The following SH3RF3 variants were observed in gnomAD, a reference collection of about 807,000 sequenced individuals.
SH3RF3 encodes the protein SH3 domain containing ring finger 3.
Under a neutral mutation model 66.3 loss-of-function variants are expected in SH3RF3, and 29 were observed. The ratio of observed to expected loss-of-function variants is 0.44; its 90% confidence interval spans 0.33 to 0.60. The LOEUF (loss-of-function observed/expected upper bound fraction) is 0.60. Ranked by LOEUF, SH3RF3 falls within the 20% of genes least tolerant of loss-of-function variation. The pLI is 0.04. For missense variants in SH3RF3, 1,194 were observed against 1,190.9 expected, an observed-to-expected ratio of 1.00 and a Z score of -0.04; for synonymous variants, 583 against 532.0, an observed-to-expected ratio of 1.10 and a Z score of -1.32.
At chr2:109,412,092 G>T (rs1317762021) in intron 4 of SH3RF3, among the ~76,000 whole-genome samples, 1 of 152,232 alleles carries the variant, frequency 6.6e-6, no homozygotes, top group African/African-American at 2.4e-5. Context: ...GTTGCTTTAC[G>T]TTGGACTCAC....
intron 8 of SH3RF3, among the ~76,000 whole-genome samples, chr2:109,466,707 C>A (rs1678355557): frequency 6.6e-6 from 1 of 152,146 alleles, no homozygotes. Flanking sequence ...CATAGTTTTG[C>A]ATTTTACATT....
At chr2:109,183,931 A>G (rs1240038886) in intron 1 of SH3RF3, among the ~76,000 whole-genome samples, 1 of 152,166 alleles carries the variant, frequency 6.6e-6, no homozygotes, top group African/African-American at 2.4e-5. Context: ...CACACCTACC[A>G]GTTGCAGGTG....
At chr2:109,141,881 T>C (rs1035651963) in intron 1 of SH3RF3, among the ~76,000 whole-genome samples, 2 of 152,114 alleles carry the variant, frequency 1.3e-5, no homozygotes, top group Non-Finnish European at 2.9e-5. Context: ...GCCAGTCTGC[T>C]GTCGGCTGCC....
intron 4 of SH3RF3, among the ~76,000 whole-genome samples, chr2:109,404,706 C>T (rs1005854293): frequency 2.0e-5 from 3 of 152,094 alleles, no homozygotes; most frequent in African/African-American, 7.2e-5. Flanking sequence ...GCGGAAGGCC[C>T]ATTCTCATTC....
In SH3RF3 at chr2:109,437,106, C is replaced by T. The variant is rs556525883; in HGVS notation, c.1788C>T (p.Ala596=). The change falls in exon 7 of 10, where the codon GCC becomes GCT. Residue 596 remains alanine (A), a synonymous_variant. Coordinates refer to ENST00000309415, the MANE Select transcript of SH3RF3 (RefSeq NM_001099289.3). ...CAGGCAGCTGTCTACGGCACTCAGC[C>T]CAGCCAACGGCCAGCCAAGCCCGGA... The part of the protein sequence containing the change: ...PPTGSCLRHS[A]QPTASQARST... The T allele has an allele frequency of 5.0e-6, 8 of 1,613,104 alleles. No homozygotes were observed. The highest frequency in any genetic ancestry group is 1.3e-5 in the African/African-American group (1 of 75,048).
chr2:109,306,786 G>A (rs1681607646), intron 1 of SH3RF3, among the ~76,000 whole-genome samples: 1 of 152,194 alleles, frequency 6.6e-6, no homozygotes, highest in South Asian at 2.1e-4. Context: ...AAACTACAGG[G>A]ACCTTTGATA....
chr2:109,271,680 A>C (rs1333896350), intron 1 of SH3RF3, among the ~76,000 whole-genome samples: 1 of 152,210 alleles, frequency 6.6e-6, no homozygotes, highest in African/African-American at 2.4e-5. Context: ...TGGGTGCTGC[A>C]TTGTCATTTA....
intron 1 of SH3RF3, among the ~76,000 whole-genome samples, chr2:109,283,905 A>G (rs1258922200): frequency 6.6e-6 from 1 of 152,188 alleles, no homozygotes; most frequent in Non-Finnish European, 1.5e-5. Context: ...AGCGCTTATC[A>G]AATGACCCCC....
At chr2:109,497,910 T>C (rs1679294354) in intron 9 of SH3RF3, among the ~76,000 whole-genome samples, 1 of 152,270 alleles carries the variant, frequency 6.6e-6, no homozygotes, top group Non-Finnish European at 1.5e-5. Flanking sequence ...CCTTCCTTTC[T>C]TTCCTTGGGG....
At chr2:109,357,681 A>G (rs1027299467) in intron 2 of SH3RF3, among the ~76,000 whole-genome samples, 2 of 152,206 alleles carry the variant, frequency 1.3e-5, no homozygotes, top group Admixed American at 6.5e-5. Context: ...TTTGTGAGCT[A>G]TACCCATGTT....
intron 1 of SH3RF3, among the ~76,000 whole-genome samples, chr2:109,188,163 C>T (rs2105010837): frequency 6.6e-6 from 1 of 152,368 alleles, no homozygotes; most frequent in East Asian, 1.9e-4. Flanking sequence ...AGTGTATTGA[C>T]TTCCCAAGAA....
At chr2:109,356,966 G>A (rs1464758790) in intron 2 of SH3RF3, among the ~76,000 whole-genome samples, 1 of 152,190 alleles carries the variant, frequency 6.6e-6, no homozygotes, top group Non-Finnish European at 1.5e-5. Flanking sequence ...CACTTCTGCA[G>A]CACAGATGTC....
chr2:109,348,259 A>G (rs946162675), intron 2 of SH3RF3, among the ~76,000 whole-genome samples: 2 of 152,208 alleles, frequency 1.3e-5, no homozygotes, highest in Admixed American at 6.5e-5. Context: ...AACCTGAGTC[A>G]TGGCTCTAAG....
chr2:109,192,686 A>G (rs188659716), intron 1 of SH3RF3, among the ~76,000 whole-genome samples: 61 of 152,336 alleles, frequency 4.0e-4, no homozygotes, highest in Non-Finnish European at 7.9e-4. Flanking sequence ...CTTATAGATG[A>G]CTGCATTTTT....
At chr2:109,494,062 A>G (rs1156445809) in intron 9 of SH3RF3, among the ~76,000 whole-genome samples, 2 of 152,168 alleles carry the variant, frequency 1.3e-5, no homozygotes, top group African/African-American at 2.4e-5. Context: ...TGAGAATGAC[A>G]GACTTTGGGA....
intron 1 of SH3RF3, among the ~76,000 whole-genome samples, chr2:109,189,760 G>C (rs1678297704): frequency 6.6e-6 from 1 of 152,196 alleles, no homozygotes; most frequent in South Asian, 2.1e-4. Flanking sequence ...ACTGTCTGGA[G>C]CTTCAAGCAG....
chr2:109,298,257 T>C (rs1162643013), intron 1 of SH3RF3, among the ~76,000 whole-genome samples: 1 of 152,098 alleles, frequency 6.6e-6, no homozygotes, highest in African/African-American at 2.4e-5. Context: ...TGATCTCAGC[T>C]ATGTCCCCGA....
At chr2:109,347,004 T>C (rs551667840) in intron 1 of SH3RF3, among the ~76,000 whole-genome samples, 1 of 152,188 alleles carries the variant, frequency 6.6e-6, no homozygotes, top group African/African-American at 2.4e-5. Flanking sequence ...ACACAGGCTG[T>C]TTGTCATCAT....
intron 8 of SH3RF3, among the ~76,000 whole-genome samples, chr2:109,453,885 T>G (rs1024875047): frequency 7.2e-5 from 11 of 152,108 alleles, no homozygotes; most frequent in African/African-American, 2.7e-4. Flanking sequence ...AGGGTCAGCC[T>G]GAGCAGAGGC....
Sources: gnomAD v4.1 joint callset for allele counts (sites outside exome capture counted in the v4.1 genomes callset) on GRCh38, gnomAD v4.1.1 for gene constraint, MANE v1.5 for transcripts, NCBI Gene and HGNC (gene_info 2026-07-23, HGNC 2026-07-21) for gene names.